Variants in DPP6 observed in about 807,000 individuals in gnomAD.
The protein encoded by DPP6 is A-type potassium channel modulatory protein DPP6.
In DPP6, 69 loss-of-function variants were observed where a neutral mutation model predicts 122.6. That is an observed-to-expected ratio of 0.56 (90% CI 0.46 to 0.69). DPP6 has a LOEUF of 0.69. Among genes scored for constraint, DPP6 ranks in the 30% least tolerant of loss-of-function variants. The probability of loss-of-function intolerance (pLI) is 0.00; values close to 1 mark genes in which losing one functional copy is unlikely to be tolerated. For missense variants in DPP6, 928 were observed against 1,116.9 expected (o/e 0.83, Z 2.41); for synonymous variants, 418 against 433.1 (o/e 0.97, Z 0.43).
intron 10 of DPP6, among the ~76,000 whole-genome samples, chr7:154,775,831 C>T (rs1022248972): frequency 3.3e-5 from 5 of 152,184 alleles, no homozygotes; most frequent in Non-Finnish European, 7.3e-5. Context: ...TCAGGCCGAA[C>T]CCGGTCAAAG....
At chr7:153,959,558 T>A (rs547617682) in intron 1 of DPP6, among the ~76,000 whole-genome samples, 59 of 152,394 alleles carry the variant, frequency 3.9e-4, no homozygotes, top group Middle Eastern at 3.4e-3. Context: ...GGAGATGGTT[T>A]TGCTCCTTAA....
chr7:154,352,347 C>T (rs1810931928), intron 1 of DPP6, among the ~76,000 whole-genome samples: 1 of 151,778 alleles, frequency 6.6e-6, no homozygotes, highest in South Asian at 2.1e-4. Context: ...CCTGTGGTCC[C>T]AGCTACTCAG....
At chr7:154,861,976 T>TGTCA (rs1454481190) in intron 17 of DPP6, among the ~76,000 whole-genome samples, 1 of 152,218 alleles carries the variant, frequency 6.6e-6, no homozygotes, top group Non-Finnish European at 1.5e-5. Flanking sequence ...ATCCATTCTC[T>TGTCA]GTCATTAAGG....
the DPP6 span, among the ~76,000 whole-genome samples, chr7:153,839,062 A>G: frequency 6.6e-6 from 1 of 152,118 alleles, no homozygotes; most frequent in Non-Finnish European, 1.5e-5. Flanking sequence ...TGCACTTCTA[A>G]GAAGTTTCCA....
chr7:154,847,396 G>A (rs1325750647), intron 16 of DPP6, among the ~76,000 whole-genome samples: 5 of 152,222 alleles, frequency 3.3e-5, no homozygotes, highest in Non-Finnish European at 7.3e-5. Flanking sequence ...TGGGACGAGA[G>A]AGGACTGGGA....
At chr7:154,801,259 T>A in intron 12 of DPP6, 96 bp from the exon 13 acceptor site, 1 of 1,492,690 alleles carries the variant, frequency 6.7e-7, no homozygotes, top group Non-Finnish European at 9.1e-7. Flanking sequence ...AGAAATCACA[T>A]AGAAAATGTA....
At chr7:153,887,721 A>G (rs1584983829) in exon 1 of DPP6, 1 of 1,613,842 alleles carries the variant, frequency 6.2e-7, no homozygotes, top group Non-Finnish European at 8.5e-7. Context: ...GCTAAGATGC[A>G]GGGGAACGTG....
intron 1 of DPP6, among the ~76,000 whole-genome samples, chr7:154,236,133 G>T (rs1205569227): frequency 6.6e-6 from 1 of 152,160 alleles, no homozygotes; most frequent in Non-Finnish European, 1.5e-5. Flanking sequence ...GATTACAGAT[G>T]TGAGCCACTG....
At chr7:154,385,247 C>T (rs1048648426) in intron 1 of DPP6, among the ~76,000 whole-genome samples, 17 of 152,092 alleles carry the variant, frequency 1.1e-4, no homozygotes, top group Non-Finnish European at 2.4e-4. Flanking sequence ...TTCTTTCTTG[C>T]ATTATGCATT....
chr7:154,694,270 C>A (rs1249629221), intron 7 of DPP6, among the ~76,000 whole-genome samples: 1 of 152,132 alleles, frequency 6.6e-6, no homozygotes, highest in African/African-American at 2.4e-5. Flanking sequence ...GGGATTTCAA[C>A]ATTGGAACTT....
At chr7:154,766,050 T>C (rs1795876140) in intron 8 of DPP6, among the ~76,000 whole-genome samples, 1 of 152,242 alleles carries the variant, frequency 6.6e-6, no homozygotes, top group South Asian at 2.1e-4. Flanking sequence ...CCTTAGTTTC[T>C]TATACTTCAT....
intron 1 of DPP6, among the ~76,000 whole-genome samples, chr7:154,315,800 G>T (rs1807382899): frequency 6.6e-6 from 1 of 152,092 alleles, no homozygotes; most frequent in Non-Finnish European, 1.5e-5. Context: ...CCTCAGCCTG[G>T]GATACATGAC....
chr7:154,875,780 G>T lies in DPP6; in HGVS notation c.1884-126G>T. The T allele has an allele frequency of 5.9e-6, 8 of 1,352,678 alleles. No individual in the cohort carries two copies. The highest frequency in any genetic ancestry group is 8.0e-6 in the Non-Finnish European group (8 of 1,002,992). 83.8% of individuals were successfully genotyped at this position (1,352,678 alleles called of 1,614,324 possible). On this transcript the variant is annotated intron_variant, in intron 19 of 25. Coordinates refer to ENST00000377770, the MANE Select transcript of DPP6 (RefSeq NM_130797.4). This position sits in a 1 kb window ranked among gnomAD's most constrained non-coding sequence, Gnocchi z 4.5. ...CCGGGGCAACAGAATCTGGGGTATG[G>T]AGTTGAGCGTGTGGCAGCCGGGTCA...
At chr7:154,870,074 A>G (rs1804259546) in intron 18 of DPP6, among the ~76,000 whole-genome samples, 1 of 150,938 alleles carries the variant, frequency 6.6e-6, no homozygotes, top group Non-Finnish European at 1.5e-5. Context: ...TGACCTCCCG[A>G]GCTCAAGTGA....
At chr7:154,478,471 T>C (rs1194710304) in intron 3 of DPP6, among the ~76,000 whole-genome samples, 2 of 152,126 alleles carry the variant, frequency 1.3e-5, no homozygotes, top group African/African-American at 4.8e-5. Flanking sequence ...CATCATAACA[T>C]CATCATCAAG....
chr7:154,413,058 C>T (rs1816746915), intron 1 of DPP6, among the ~76,000 whole-genome samples: 1 of 152,210 alleles, frequency 6.6e-6, no homozygotes, highest in Non-Finnish European at 1.5e-5. Context: ...TCCCAGCCCT[C>T]CTGAGGGAGA....
At chr7:153,923,123 G>A (rs1016615872) in intron 1 of DPP6, among the ~76,000 whole-genome samples, 7 of 152,244 alleles carry the variant, frequency 4.6e-5, no homozygotes, top group Admixed American at 3.3e-4. Flanking sequence ...CAAACAGCCA[G>A]GCAGTGGGCG....
At chr7:153,994,826 A>G (rs1488382279) in intron 1 of DPP6, among the ~76,000 whole-genome samples, 1 of 152,202 alleles carries the variant, frequency 6.6e-6, no homozygotes, top group East Asian at 1.9e-4. Flanking sequence ...TATGCTGTTC[A>G]TAAAATGTCC....
At chr7:154,406,554 C>G (rs569603091) in intron 1 of DPP6, among the ~76,000 whole-genome samples, 1 of 152,222 alleles carries the variant, frequency 6.6e-6, no homozygotes, top group South Asian at 2.1e-4. Context: ...TGCACACACA[C>G]GTGGGTTTGC....
Sources: allele counts gnomAD v4.1 joint callset (sites outside exome capture counted in the v4.1 genomes callset), GRCh38; gene constraint gnomAD v4.1.1; non-coding constraint Gnocchi (gnomAD v3.1); transcripts MANE v1.5; gene names NCBI Gene and HGNC (gene_info 2026-07-23, HGNC 2026-07-21).